C12orf76: variants seen among roughly 807,000 people sequenced by gnomAD.
The protein encoded by C12orf76 is chromosome 12 open reading frame 76, also known as uncharacterized protein C12orf76.
C12orf76 carries 6 observed loss-of-function variants against 6.8 expected under a neutral mutation model. The observed-to-expected ratio is 0.88, with a 90% CI of 0.48 to 1.73. The LOEUF is 1.73. C12orf76 is among the 40% of genes most tolerant of loss of function. The probability of loss-of-function intolerance (pLI) is 0.01; values close to 1 mark genes in which losing one functional copy is unlikely to be tolerated. For missense variants in C12orf76, 99 were observed against 98.2 expected (o/e 1.01, Z -0.03); for synonymous variants, 56 against 43.7 (o/e 1.28, Z -1.11).
intron 2 of C12orf76, among the ~76,000 whole-genome samples, chr12:110,061,422 C>G (rs536198676): frequency 3.1e-4 from 47 of 152,282 alleles, no homozygotes; most frequent in Non-Finnish European, 5.7e-4. Context: ...ACTACCTCCT[C>G]AGTCCAGGTC....
At chr12:110,043,447 C>T (rs1892369236) in intron 1 of C12orf76, among the ~76,000 whole-genome samples, 1 of 151,872 alleles carries the variant, frequency 6.6e-6, no homozygotes, top group Non-Finnish European at 1.5e-5. Flanking sequence ...GAGCAGGATG[C>T]CCAACTATGC....
At chr12:110,072,582 T>C (rs1188526742), upstream of C12orf76, among the ~76,000 whole-genome samples, 1 of 151,786 alleles carries the variant, frequency 6.6e-6, no homozygotes, top group Non-Finnish European at 1.5e-5. Context: ...AACCATTAAA[T>C]TGTACCCTTA....
upstream of C12orf76, among the ~76,000 whole-genome samples, chr12:110,054,130 A>G (rs1779319038): frequency 6.6e-6 from 1 of 152,190 alleles, no homozygotes; most frequent in Non-Finnish European, 1.5e-5. The surrounding 1 kb of genome is among the most constrained non-coding windows in gnomAD (Gnocchi z 4.4). Context: ...GAGCAGTGAA[A>G]ATGAATTAAC....
chr12:110,058,897 G>C, intron 3 of C12orf76: 2 of 1,366,702 alleles, frequency 1.5e-6, no homozygotes, highest in Non-Finnish European at 9.7e-7. Context: ...AGTCTATTTT[G>C]CTGACATATA....
upstream of C12orf76, among the ~76,000 whole-genome samples, chr12:110,068,250 G>GAAGAAGA (rs1555253368): frequency 1.5e-4 from 4 of 26,548 alleles, no homozygotes; most frequent in African/African-American, 7.1e-4. Context: ...GAAGAAGAAA[G>GAAGAAGA]AAGAAGAAGA....
intron 2 of C12orf76, among the ~76,000 whole-genome samples, chr12:110,060,176 A>C (rs1483587235): frequency 6.6e-6 from 1 of 152,132 alleles, no homozygotes; most frequent in Non-Finnish European, 1.5e-5. Context: ...CGGTGAGCCG[A>C]GATCACCCCA....
exon 2 of C12orf76, chr12:110,065,929 T>C (rs1892851435): frequency 2.5e-6 from 4 of 1,613,890 alleles, no homozygotes; most frequent in African/African-American, 2.7e-5. Flanking sequence ...TACTGTTCTC[T>C]TGGTCCCGTG....
upstream of C12orf76, chr12:110,051,065 C>G (rs187583547): frequency 3.8e-6 from 3 of 780,252 alleles, no homozygotes; most frequent in Admixed American, 5.1e-5. Context: ...TCTTTCTCCA[C>G]GATCTCCTCT....
At chr12:110,069,562 A>G (rs560392323), upstream of C12orf76, among the ~76,000 whole-genome samples, 23 of 152,342 alleles carry the variant, frequency 1.5e-4, no homozygotes, top group African/African-American at 5.5e-4. Flanking sequence ...GCCAATTTCT[A>G]GCTCCGGAAC....
chr12:110,047,330 T>C (rs1053038074), intron 1 of C12orf76, among the ~76,000 whole-genome samples: 4 of 152,200 alleles, frequency 2.6e-5, no homozygotes, highest in Non-Finnish European at 4.4e-5. Flanking sequence ...CCTCATCATT[T>C]CCTAGCTATG....
chr12:110,045,569 C>T (rs529743320), intron 1 of C12orf76, among the ~76,000 whole-genome samples: 8 of 151,426 alleles, frequency 5.3e-5, no homozygotes, highest in African/African-American at 1.9e-4. Flanking sequence ...GGCAACAGAG[C>T]GAGACTCCAT....
At position 110,041,705 on chromosome 12, in the gene C12orf76, CT is replaced by C. The variant is rs1892315746; in HGVS notation, c.*668del. On this transcript the variant is annotated 3_prime_UTR_variant, in exon 2 of 2. Transcript: ENST00000615315. ...CAATGTGTTTAAGCAGGATGGGGTC[CT>C]TTTTGTAACAGGCCAACCTAGTAAC... The C allele has an allele frequency of 6.5e-6, 1 of 152,790 alleles. No homozygotes were observed. The highest frequency in any genetic ancestry group is 1.5e-5 in the Non-Finnish European group (1 of 68,418). The allele number at this position is 152,790 out of a possible 1,614,324, so 9.5% of individuals were successfully genotyped here.
upstream of C12orf76, chr12:110,048,707 G>C: frequency 2.5e-6 from 3 of 1,220,378 alleles, no homozygotes. Flanking sequence ...CCAACTTTCC[G>C]TTCAGATCAA....
rs149608584 is a variant in C12orf76, at chr12:110,061,351, A to G, written n.381-2188T>C. On this transcript the variant is annotated intron_variant and non_coding_transcript_variant, in intron 2 of 4. Transcript: ENST00000309050. Reference sequence around the variant, plus strand: ...TTCCCCCTCACCCATTCAGTTGCCAAATCCTACTGTTTTACCTTTCTAATA... The same window carrying G: ...TTCCCCCTCACCCATTCAGTTGCCAGATCCTACTGTTTTACCTTTCTAATA... 2.0e-3 allele frequency among the ~76,000 whole-genome samples: 297 copies of G among 152,018 alleles called. 2 individuals carry two copies. Among genetic ancestry groups the G allele is most frequent in the African/African-American group, 6.3e-3 (260 of 41,466 alleles).
chr12:110,050,802 C>T, upstream of C12orf76: 1 of 588,014 alleles, frequency 1.7e-6, no homozygotes. Flanking sequence ...AATAAACTTG[C>T]TTTCACTTTG....
chr12:110,069,621 C>T (rs1012037948), upstream of C12orf76, among the ~76,000 whole-genome samples: 1 of 152,224 alleles, frequency 6.6e-6, no homozygotes, highest in South Asian at 2.1e-4. Context: ...AAGGAATTGG[C>T]TTATTTTAGG....
chr12:110,059,028 G>A (rs1201269289), exon 3 of C12orf76: 14 of 1,551,376 alleles, frequency 9.0e-6, no homozygotes, highest in Admixed American at 5.9e-5. Context: ...TGAATGAAGC[G>A]AGAAGCTTGT....
At position 110,041,697 on chromosome 12, in the gene C12orf76, A is replaced by G. The variant is rs980243229; in HGVS notation, c.*677T>C. 2.0e-5 allele frequency: 3 copies of G among 152,804 alleles called. No homozygotes were observed. The highest frequency in any genetic ancestry group is 4.4e-5 in the Non-Finnish European group (3 of 68,460). 9.5% of individuals were successfully genotyped at this position (152,804 alleles called of 1,614,324 possible). ...AGGGAGATCAATGTGTTTAAGCAGG[A>G]TGGGGTCCTTTTTGTAACAGGCCAA... On this transcript the variant is annotated 3_prime_UTR_variant, in exon 2 of 2. Transcript: ENST00000615315.
At chr12:110,051,447 A>G, upstream of C12orf76, 1 of 601,786 alleles carries the variant, frequency 1.7e-6, no homozygotes, top group South Asian at 2.0e-5. Flanking sequence ...TTTTTTTTTA[A>G]ATGGAGTCTT....
Sources: allele counts gnomAD v4.1 joint callset (sites outside exome capture counted in the v4.1 genomes callset), GRCh38; gene constraint gnomAD v4.1.1; non-coding constraint Gnocchi (gnomAD v3.1); transcripts MANE v1.5; gene names NCBI Gene and HGNC (gene_info 2026-07-23, HGNC 2026-07-21).